Variants in FBRSL1 observed in about 807,000 individuals in gnomAD.
FBRSL1 encodes the protein fibrosin like 1.
A neutral mutation model predicts 89.6 loss-of-function variants in FBRSL1; 51 were observed. The ratio of observed to expected loss-of-function variants is 0.57; its 90% CI spans 0.45 to 0.72. The LOEUF is 0.72. Ranked by LOEUF, FBRSL1 falls within the 30% of genes least tolerant of loss-of-function variation. The pLI is 0.00. For synonymous variants in FBRSL1, 779 were observed against 681.1 expected, an observed-to-expected ratio of 1.14 and a Z score of -2.24; for missense variants, 1,618 against 1,451.8, an observed-to-expected ratio of 1.11 and a Z score of -1.86.
intron 6 of FBRSL1, among the ~76,000 whole-genome samples, chr12:132,568,323 T>C (rs76931693): frequency 0.014 from 2,148 of 152,374 alleles, 62 homozygotes; most frequent in East Asian, 0.14. Context: ...GCCCTGCCAA[T>C]GCCGGCAAGG....
intron 1 of FBRSL1, among the ~76,000 whole-genome samples, chr12:132,502,052 A>G (rs1049434398): frequency 6.6e-6 from 1 of 152,162 alleles, no homozygotes; most frequent in South Asian, 2.1e-4. Context: ...GACGGGACAT[A>G]TGTTGGTTTT....
chr12:132,515,895 G>A (rs1268199359), intron 2 of FBRSL1, among the ~76,000 whole-genome samples: 9 of 91,046 alleles, frequency 9.9e-5, no homozygotes, highest in South Asian at 3.9e-4. Flanking sequence ...GTGAGACTCC[G>A]TCTCAAAAAA....
At chr12:132,541,785 C>T (rs1367652194) in intron 4 of FBRSL1, among the ~76,000 whole-genome samples, 1 of 152,246 alleles carries the variant, frequency 6.6e-6, no homozygotes, top group Non-Finnish European at 1.5e-5. Context: ...AGCGTGCGGC[C>T]CAAATGAAGG....
At chr12:132,507,420 T>G (rs2033816410) in intron 1 of FBRSL1, 1 of 985,258 alleles carries the variant, frequency 1.0e-6, no homozygotes, top group African/African-American at 1.8e-5. Flanking sequence ...AGTGTGGAGG[T>G]GGGGACCCCA....
chr12:132,509,106 C>T (rs576483334), intron 2 of FBRSL1: 23 of 1,232,106 alleles, frequency 1.9e-5, no homozygotes, highest in African/African-American at 7.8e-5. Flanking sequence ...CCGGGCTGGA[C>T]GGGGGTTCCG....
intron 2 of FBRSL1, chr12:132,511,115 A>C (rs1279481553): frequency 1.0e-6 from 1 of 985,324 alleles, no homozygotes; most frequent in South Asian, 4.7e-5. Flanking sequence ...GTCCACCTCC[A>C]GGGCCCCCAA....
rs377213746 is a variant in FBRSL1, at chr12:132,508,240, C to A, written c.379C>A (p.Pro127Thr). The A allele has an allele frequency of 9.0e-6, 14 of 1,550,910 alleles. No homozygotes were observed. Among genetic ancestry groups the A allele is most frequent in the Middle Eastern group, 1.7e-4 (1 of 6,000 alleles). The change falls in exon 2 of 19, where the codon CCT (proline) becomes ACT (threonine). Residue 127 changes from proline (P) to threonine (T), a missense_variant. Physicochemically the swap from Pro to Thr is conservative, Grantham distance 38 (BLOSUM62 -1). Transcript: ENST00000680143. ...KKPRESETCP[P>T]AEPSENRRPL... The stretch of plus-strand genomic sequence containing the variant: ...GCCCCGGGAGTCGGAAACCTGCCCC[C>A]CTGCGGAGCCCAGTGAGAACAGGCG...
intron 2 of FBRSL1, among the ~76,000 whole-genome samples, chr12:132,519,597 C>T (rs538567357): frequency 1.6e-4 from 24 of 152,310 alleles, no homozygotes; most frequent in South Asian, 1.2e-3. Flanking sequence ...GCCTGAGCTT[C>T]GAGCTGTGGG....
At position 132,490,867 on chromosome 12, in the gene FBRSL1, T is replaced by C. The variant is rs779488406; in HGVS notation, c.291+6T>C. 7.2e-7 allele frequency: 1 copy of C among 1,380,722 alleles called. No homozygotes were observed. The highest frequency in any genetic ancestry group is 9.4e-7 in the Non-Finnish European group (1 of 1,059,544). The allele number at this position is 1,380,722 out of a possible 1,614,324, so 85.5% of individuals were successfully genotyped here. On this transcript the variant is annotated splice_donor_region_variant and intron_variant, in intron 1 of 18. Coordinates refer to ENST00000680143, the MANE Select transcript of FBRSL1 (RefSeq NM_001367871.1). ...GCACCCTGGAGGCCCTGGAGGTAGG[T>C]GGACGGGTGCGGCTTCGCAGGCGTT...
intron 5 of FBRSL1, among the ~76,000 whole-genome samples, chr12:132,564,513 T>TG (rs1182364316): frequency 6.2e-5 from 9 of 146,000 alleles, no homozygotes; most frequent in South Asian, 2.2e-4. Context: ...TTTTTTTTTT[T>TG]GAGACGGAGT....
At chr12:132,516,603 G>C (rs994196414) in intron 2 of FBRSL1, among the ~76,000 whole-genome samples, 7 of 152,208 alleles carry the variant, frequency 4.6e-5, no homozygotes, top group African/African-American at 1.7e-4. Flanking sequence ...CCTAACACTT[G>C]AAGTCTTTTC....
chr12:132,516,365 A>G (rs965457985), intron 2 of FBRSL1, among the ~76,000 whole-genome samples: 1 of 152,034 alleles, frequency 6.6e-6, no homozygotes, highest in South Asian at 2.1e-4. Flanking sequence ...TTGTATTTTT[A>G]GTAGAGATAG....
intron 4 of FBRSL1, among the ~76,000 whole-genome samples, chr12:132,541,150 T>C (rs1313514677): frequency 6.7e-6 from 1 of 149,412 alleles, no homozygotes; most frequent in African/African-American, 2.5e-5. Flanking sequence ...GCAAATCCAC[T>C]GTGAGCCTGG....
At chr12:132,510,861 A>G (rs1453708758) in intron 2 of FBRSL1, 2 of 1,041,360 alleles carry the variant, frequency 1.9e-6, no homozygotes, top group African/African-American at 3.4e-5. Context: ...TGAATTGCCA[A>G]TACTGTCCTT....
intron 5 of FBRSL1, chr12:132,551,705 A>G: frequency 5.0e-6 from 2 of 402,514 alleles, no homozygotes; most frequent in Non-Finnish European, 5.2e-6. Context: ...CCTCCCTCAC[A>G]CTGTGCCCGC....
intron 4 of FBRSL1, among the ~76,000 whole-genome samples, chr12:132,531,428 C>T (rs563673996): frequency 2.0e-5 from 3 of 152,038 alleles, no homozygotes; most frequent in Admixed American, 6.5e-5. Context: ...TGCGTGTGGG[C>T]AGGTCTGTGC....
At chr12:132,492,379 C>T (rs899711607) in intron 1 of FBRSL1, among the ~76,000 whole-genome samples, 1 of 152,260 alleles carries the variant, frequency 6.6e-6, no homozygotes, top group African/African-American at 2.4e-5. Flanking sequence ...CATCCCCACT[C>T]TGCAAAGCTG....
At chr12:132,511,188 A>AC (rs2034297194) in intron 2 of FBRSL1, 1 of 982,678 alleles carries the variant, frequency 1.0e-6, no homozygotes, top group Non-Finnish European at 1.2e-6. Context: ...GGAGGCTCCC[A>AC]CCCCCACCTC....
chr12:132,581,201 T>A (rs889023852), intron 15 of FBRSL1: 1 of 985,274 alleles, frequency 1.0e-6, no homozygotes, highest in African/African-American at 1.7e-5. Context: ...CCTCCCTCCC[T>A]GCCCCCCTTG....
Sources: gnomAD v4.1 joint callset for allele counts (sites outside exome capture counted in the v4.1 genomes callset) on GRCh38, gnomAD v4.1.1 for gene constraint, MANE v1.5 for transcripts, NCBI Gene and HGNC (gene_info 2026-07-23, HGNC 2026-07-21) for gene names.